FBN2: variants seen among roughly 807,000 people sequenced by gnomAD.
FBN2 encodes fibrillin 2.
FBN2 carries 105 observed loss-of-function variants against 355.6 expected under a neutral mutation model. That is an observed-to-expected ratio of 0.30 (90% CI 0.25 to 0.35). The LOEUF (loss-of-function observed/expected upper bound fraction) is 0.35, where lower values mean the gene tolerates loss of function less well. FBN2 is among the 10% of genes least tolerant of loss of function. The pLI, the probability that FBN2 is intolerant of heterozygous loss-of-function variation, is 1.00. For synonymous variants in FBN2, 1,350 were observed against 1,301.2 expected (o/e 1.04, Z -0.81); for missense variants, 3,280 against 3,758.7 (o/e 0.87, Z 3.33).
intron 5 of FBN2, among the ~76,000 whole-genome samples, chr5:128,519,018 T>C (rs184422762): frequency 1.3e-5 from 2 of 152,256 alleles, no homozygotes; most frequent in East Asian, 3.9e-4. Flanking sequence ...TTGCCATCAG[T>C]CACTCACTCA....
Position 128,522,137 on chromosome 5 carries a change from T to C in FBN2, c.533-2769A>G, listed in dbSNP as rs149701169. Among the ~76,000 whole-genome samples the C allele has an allele frequency of 3.4e-3, 517 of 152,264 alleles. 4 individuals are homozygous for C. The highest frequency in any genetic ancestry group is 0.012 in the African/African-American group (502 of 41,550). ...AATTTTTTAAAATGTAAAGGGATCC[T>C]ATGAACAAAAAGATCAAGGGCCACT... On this transcript the variant is annotated intron_variant, in intron 4 of 64. Coordinates refer to ENST00000262464, the MANE Select transcript of FBN2 (RefSeq NM_001999.4).
At chr5:128,363,653 TTG>T (rs1299243334) in intron 18 of FBN2, among the ~76,000 whole-genome samples, 1 of 152,166 alleles carries the variant, frequency 6.6e-6, no homozygotes, top group East Asian at 1.9e-4. Flanking sequence ...TTAGGGTAGG[TTG>T]TGAGTCAACA....
Position 128,536,621 on chromosome 5 carries a change from A to G in FBN2, c.255-137T>C, listed in dbSNP as rs6865828. The G allele has an allele frequency of 0.094, 68,044 of 723,242 alleles. 4,656 individuals carry two copies. The highest frequency in any genetic ancestry group is 0.29 in the African/African-American group (16,419 of 57,482). The allele number at this position is 723,242 out of a possible 1,614,324, so 44.8% of individuals were successfully genotyped here. On this transcript the variant is annotated intron_variant, in intron 1 of 64. Transcript: ENST00000262464. Reference sequence around the variant, plus strand: ...TCAAAATTACACTTCAAATTATTGGAGATCGGGAGGCAGACGTGGAAGCAA... The same window carrying G: ...TCAAAATTACACTTCAAATTATTGGGGATCGGGAGGCAGACGTGGAAGCAA...
At chr5:128,431,441 C>T (rs1298869303) in intron 7 of FBN2, among the ~76,000 whole-genome samples, 1 of 152,132 alleles carries the variant, frequency 6.6e-6, no homozygotes, top group Non-Finnish European at 1.5e-5. Context: ...AAATTTCGTG[C>T]TTTTTCCATT....
chr5:128,536,502 G>A lies in FBN2; in HGVS notation c.255-18C>T. 1 of 1,601,566 alleles carries A rather than the reference G, an allele frequency of 6.2e-7. No homozygotes were observed. Among genetic ancestry groups the A allele is most frequent in the Non-Finnish European group, 8.5e-7 (1 of 1,169,992 alleles). ...CGTTGGGCCTGTGATGGACAAGCGC[G>A]GTCACGTAACAGATAGGTAGAGGGA... On this transcript the variant is annotated intron_variant, in intron 1 of 64. Transcript: ENST00000262464.
At chr5:128,534,581 C>T (rs1756796939) in intron 2 of FBN2, among the ~76,000 whole-genome samples, 1 of 152,192 alleles carries the variant, frequency 6.6e-6, no homozygotes, top group Non-Finnish European at 1.5e-5. Flanking sequence ...TCAAAGTTTA[C>T]TCTCATAGAT....
intron 25 of FBN2, 137 bp from the exon 26 acceptor site, chr5:128,339,198 T>C (rs889410371): frequency 1.2e-5 from 10 of 828,616 alleles, no homozygotes; most frequent in Middle Eastern, 2.4e-4. Flanking sequence ...TAGACCCAGA[T>C]AGAAGGGCCT....
chr5:128,521,214 C>T (rs1561496459), intron 4 of FBN2, among the ~76,000 whole-genome samples: 2 of 152,176 alleles, frequency 1.3e-5, no homozygotes, highest in South Asian at 4.1e-4. Flanking sequence ...ATGTCCTTTG[C>T]AGCGACATGG....
intron 62 of FBN2, 37 bp downstream of exon 62, chr5:128,271,962 G>T (rs1483811911): frequency 1.2e-6 from 2 of 1,611,902 alleles, no homozygotes; most frequent in Middle Eastern, 1.7e-4. Flanking sequence ...ACTTTCAGGT[G>T]AGAAAAGCAA....
rs576456771 is a variant in FBN2, at chr5:128,395,754, T to C, written c.1079-480A>G. On this transcript the variant is annotated intron_variant, in intron 8 of 64. Transcript: ENST00000262464. ...CTGAGGAAGAAGAGAATGTGCTTCATGTGTGTGAAGAAAGATGGGCCACTA... is the reference window on the plus strand; with the variant it reads ...CTGAGGAAGAAGAGAATGTGCTTCACGTGTGTGAAGAAAGATGGGCCACTA... Among the ~76,000 whole-genome samples, 22 of 152,262 alleles carry C rather than the reference T, an allele frequency of 1.4e-4. 1 individual carries two copies. In the Middle Eastern group the frequency reaches 0.02, roughly 141 times the overall value.
intron 5 of FBN2, among the ~76,000 whole-genome samples, chr5:128,488,443 A>G (rs1755402016): frequency 6.6e-6 from 1 of 152,112 alleles, no homozygotes; most frequent in Non-Finnish European, 1.5e-5. Context: ...CTTTTAGATA[A>G]GGCAAAATGC....
chr5:128,500,430 CTTTTTTTTTTT>C (rs149068555), intron 5 of FBN2, among the ~76,000 whole-genome samples: 118 of 51,178 alleles, frequency 2.3e-3, no homozygotes, highest in Admixed American at 3.8e-3. Context: ...TCTGACAATT[CTTTTTTTTTTT>C]TTTTTTTTTT....
intron 63 of FBN2, among the ~76,000 whole-genome samples, chr5:128,262,590 C>A (rs1406648477): frequency 6.6e-6 from 1 of 152,200 alleles, no homozygotes; most frequent in Non-Finnish European, 1.5e-5. Flanking sequence ...AAGCTCCCTG[C>A]TTTAAAAACT....
intron 62 of FBN2, among the ~76,000 whole-genome samples, chr5:128,267,338 G>C (rs907337096): frequency 1.3e-5 from 2 of 152,156 alleles, no homozygotes; most frequent in African/African-American, 4.8e-5. Context: ...TATATATCCA[G>C]TAATGGGATT....
intron 21 of FBN2, among the ~76,000 whole-genome samples, chr5:128,350,259 A>T (rs1488768389): frequency 6.6e-6 from 1 of 152,216 alleles, no homozygotes; most frequent in Non-Finnish European, 1.5e-5. Flanking sequence ...CACATTGACA[A>T]CTGAGTTAAA....
rs753852165 is a variant in FBN2 at position 128,357,428 on chromosome 5, C to T, written c.2555-33G>A. ...CCAGAAGGAAAAGATTCTGTTAGAA[C>T]TGCCATGTGTTTCTGGAAAATATTA... On this transcript the variant is annotated intron_variant, in intron 19 of 64. Coordinates refer to ENST00000262464, the MANE Select transcript of FBN2 (RefSeq NM_001999.4). The T allele has an allele frequency of 2.5e-6, 4 of 1,613,190 alleles. No individual in the cohort carries two copies. In the Admixed American group the frequency reaches 5.0e-5, roughly 20 times the overall value.
At chr5:128,267,623 T>C (rs765376660) in intron 62 of FBN2, among the ~76,000 whole-genome samples, 1 of 152,150 alleles carries the variant, frequency 6.6e-6, no homozygotes, top group Non-Finnish European at 1.5e-5. Context: ...TGTTTTTTTT[T>C]GAGAAGTGTC....
At chr5:128,474,061 C>T (rs1184458910) in intron 5 of FBN2, among the ~76,000 whole-genome samples, 6 of 152,126 alleles carry the variant, frequency 3.9e-5, no homozygotes, top group Non-Finnish European at 8.8e-5. Flanking sequence ...GCCAGTGATG[C>T]AAACAAAATT....
rs114459432 is a variant in FBN2, at chr5:128,459,766, G to A, written c.826+4958C>T. On this transcript the variant is annotated intron_variant, in intron 6 of 64. Transcript: ENST00000262464. ...ATACTTTCTATAAAAGTCAACATCC[G>A]TTCATGTTAAAAATTCTCAGTAAAC... 1.9e-4 allele frequency among the ~76,000 whole-genome samples: 29 copies of A among 152,184 alleles called. No homozygotes were observed. The East Asian group carries it at 2.5e-3, about 13-fold the overall frequency.
Sources: gnomAD v4.1 joint callset for allele counts (sites outside exome capture counted in the v4.1 genomes callset) on GRCh38, gnomAD v4.1.1 for gene constraint, MANE v1.5 for transcripts, NCBI Gene and HGNC (gene_info 2026-07-23, HGNC 2026-07-21) for gene names.